The following RAD54L variants were observed in gnomAD, a reference collection of about 807,000 sequenced individuals.
RAD54L encodes RAD54 like.
In RAD54L, 74 loss-of-function variants were observed where a neutral mutation model predicts 91.6. The ratio of observed to expected loss-of-function variants is 0.81; its 90% CI spans 0.67 to 0.98. The LOEUF (loss-of-function observed/expected upper bound fraction) is 0.98. RAD54L is among the 50% of genes least tolerant of loss of function. The pLI, the probability that RAD54L is intolerant of heterozygous loss-of-function variation, is 0.00. For synonymous variants in RAD54L, 304 were observed against 349.7 expected, an observed-to-expected ratio of 0.87 and a Z score of 1.46; for missense variants, 887 against 945.7, an observed-to-expected ratio of 0.94 and a Z score of 0.81.
chr1:46,254,603 T>TTC (rs1659890771), intron 3 of RAD54L, among the ~76,000 whole-genome samples: 1 of 150,628 alleles, frequency 6.6e-6, no homozygotes, highest in Admixed American at 6.6e-5. Flanking sequence ...TTTTTTTTTT[T>TTC]CCTGAGACAG....
intron 3 of RAD54L, among the ~76,000 whole-genome samples, chr1:46,256,080 T>G: frequency 6.6e-6 from 1 of 151,450 alleles, no homozygotes; most frequent in Non-Finnish European, 1.5e-5. Context: ...GACTTAAGAG[T>G]AGCTTTTTTT....
chr1:46,256,433 C>T (rs1283394203), intron 3 of RAD54L, among the ~76,000 whole-genome samples: 1 of 152,108 alleles, frequency 6.6e-6, no homozygotes, highest in Non-Finnish European at 1.5e-5. Flanking sequence ...TTCATAGTTA[C>T]AGTCATGCTA....
chr1:46,276,246 T>G (rs1186231375), intron 16 of RAD54L, among the ~76,000 whole-genome samples: 2 of 152,180 alleles, frequency 1.3e-5, no homozygotes, highest in Admixed American at 1.3e-4. Flanking sequence ...GGCACGATCA[T>G]GGACCACTGC....
intron 2 of RAD54L, 73 bp downstream of exon 2, chr1:46,248,671 GGGTTACATA>G: frequency 7.2e-7 from 1 of 1,386,152 alleles, no homozygotes; most frequent in East Asian, 2.3e-5. Flanking sequence ...TTGGTTTCTA[GGGTTACATA>G]GCCAATTCCA....
At chr1:46,267,218 T>G (rs759950920) in intron 8 of RAD54L, among the ~76,000 whole-genome samples, 1 of 152,144 alleles carries the variant, frequency 6.6e-6, no homozygotes, top group Non-Finnish European at 1.5e-5. Context: ...TGTAAGCTAC[T>G]ATGCCCAGCT....
chr1:46,278,023 G>A (rs2148308393), intron 17 of RAD54L, 43 bp downstream of exon 17: 3 of 1,614,126 alleles, frequency 1.9e-6, no homozygotes, highest in African/African-American at 1.3e-5. Context: ...TACCCACACA[G>A]TAGGGAGATG....
At chr1:46,254,671 C>T (rs1456555505) in intron 3 of RAD54L, among the ~76,000 whole-genome samples, 2 of 151,588 alleles carry the variant, frequency 1.3e-5, no homozygotes, top group Non-Finnish European at 2.9e-5. Context: ...TCACTGCAGC[C>T]TCAATCTTAG....
At chr1:46,249,094 G>A (rs542567660) in intron 2 of RAD54L, among the ~76,000 whole-genome samples, 1 of 152,152 alleles carries the variant, frequency 6.6e-6, no homozygotes, top group Non-Finnish European at 1.5e-5. Context: ...TTGGAGGCTT[G>A]TTGGGGCTGG....
chr1:46,257,702 T>A (rs1659981524), intron 3 of RAD54L, among the ~76,000 whole-genome samples: 1 of 152,182 alleles, frequency 6.6e-6, no homozygotes, highest in Non-Finnish European at 1.5e-5. Flanking sequence ...CTCTCTCATG[T>A]CCCTTTCTCA....
chr1:46,273,402 G>T lies in RAD54L; in HGVS notation c.1423G>T (p.Val475Leu). The change falls in exon 13 of 18, where the codon GTG (valine) becomes TTG (leucine). Residue 475 changes from valine (V) to leucine (L), a missense_variant. Val to Leu is a conservative substitution (Grantham distance 32, BLOSUM62 1). Transcript: ENST00000371975. ...DKCVEEEDGF[V>L]GALDLFPPGY... ...GTGTGTGGAAGAGGAGGATGGCTTT[G>T]TGGGTGCCTTGGACCTCTTCCCTCC... The T allele has an allele frequency of 6.2e-7, 1 of 1,614,130 alleles. No individual in the cohort carries two copies.
Position 46,278,121 on chromosome 1 carries a change from G to A in RAD54L, c.2083G>A (p.Asp695Asn). 1.9e-6 allele frequency: 3 copies of A among 1,613,958 alleles called. No individual in the cohort carries two copies. The highest frequency in any genetic ancestry group is 2.5e-6 in the Non-Finnish European group (3 of 1,179,938). The part of the protein sequence containing the change: ...VNSRQIRPPP[D>N]GSDCTSDLAG... The stretch of plus-strand genomic sequence containing the variant: ...CAGCCGTCAGATCCGGCCACCCCCT[G>A]ATGGTTCTGACTGCACTTCAGACCT... Residue 695 changes from aspartate to asparagine, a missense_variant, in exon 18 of 18, where the codon GAT becomes AAT. Physicochemically the swap from Asp to Asn is conservative, Grantham distance 23 (BLOSUM62 1). Coordinates refer to ENST00000371975, the MANE Select transcript of RAD54L (RefSeq NM_003579.4).
chr1:46,252,597 G>A (rs1659831390), intron 3 of RAD54L, among the ~76,000 whole-genome samples: 1 of 152,146 alleles, frequency 6.6e-6, no homozygotes, highest in African/African-American at 2.4e-5. Context: ...CTTTGGCAAG[G>A]TAGATGGATG....
At chr1:46,277,033 G>C (rs956139325) in intron 16 of RAD54L, among the ~76,000 whole-genome samples, 13 of 152,262 alleles carry the variant, frequency 8.5e-5, no homozygotes, top group Non-Finnish European at 1.3e-4. Context: ...CTGACTTTGT[G>C]ATCTGCCTGC....
Position 46,274,722 on chromosome 1 carries a change from G to A in RAD54L, c.1869+5G>A, listed in dbSNP as rs562723699. The A allele has an allele frequency of 6.8e-6, 11 of 1,614,098 alleles. No individual in the cohort carries two copies. In the African/African-American group the frequency reaches 1.2e-4, roughly 18 times the overall value. ...TATATCTACCGCCTGCTGTCTGTAA[G>A]GATGGTGATAGTAGTCATAGTAGGG... On this transcript the variant is annotated splice_donor_5th_base_variant and intron_variant, in intron 16 of 17. Coordinates refer to ENST00000371975, the MANE Select transcript of RAD54L (RefSeq NM_003579.4).
intron 3 of RAD54L, among the ~76,000 whole-genome samples, chr1:46,256,659 GA>G (rs1461856959): frequency 2.0e-5 from 3 of 151,130 alleles, no homozygotes; most frequent in Non-Finnish European, 4.4e-5. Context: ...GTCAATAAAA[GA>G]TTTTATTCAG....
rs142058773 is a variant in RAD54L at position 46,278,167 on chromosome 1, C to T, written c.2129C>T (p.Thr710Ile). ...GACCTGGCAGGGTGGAACCACTGCA[C>T]TGATAAGTGGGGGCTCCGGGATGAG... ...TSDLAGWNHCTDKWGLRDEVL... is the reference protein window; with the variant it reads ...TSDLAGWNHCIDKWGLRDEVL... The change falls in exon 18 of 18, where the codon ACT (threonine) becomes ATT (isoleucine). Residue 710 changes from threonine (T) to isoleucine (I), a missense_variant. Transcript: ENST00000371975. 3 of 1,613,864 alleles carry T rather than the reference C, an allele frequency of 1.9e-6. No homozygotes were observed. Among genetic ancestry groups the T allele is most frequent in the Non-Finnish European group, 1.7e-6 (2 of 1,179,884 alleles).
intron 8 of RAD54L, among the ~76,000 whole-genome samples, chr1:46,266,997 G>A (rs912701652): frequency 2.6e-5 from 4 of 152,174 alleles, no homozygotes; most frequent in African/African-American, 9.7e-5. Context: ...CCCCTGCCTA[G>A]TTCCCAAGGC....
In RAD54L at chr1:46,272,664, T is replaced by G. The variant is rs368429987; in HGVS notation, c.1245-8T>G. 1.6e-4 allele frequency: 251 copies of G among 1,614,056 alleles called. 3 individuals are homozygous for G. In the South Asian group the frequency reaches 2.5e-3, roughly 16 times the overall value. On this transcript the variant is annotated splice_region_variant and splice_polypyrimidine_tract_variant and intron_variant, in intron 11 of 17. Coordinates refer to ENST00000371975, the MANE Select transcript of RAD54L (RefSeq NM_003579.4). ...AGCTTTTTCCACTGACCCAGCTGCC[T>G]TTTTTAGGCTGACACCCCTTCAGAC...
At chr1:46,274,316 T>A (rs900287445) in intron 15 of RAD54L, 100 bp downstream of exon 15, 22 of 1,281,482 alleles carry the variant, frequency 1.7e-5, no homozygotes, top group South Asian at 5.0e-5. Context: ...TTTTTTTTTT[T>A]AATTCCCCTA....
Sources: gnomAD v4.1 joint callset for allele counts (sites outside exome capture counted in the v4.1 genomes callset) on GRCh38, gnomAD v4.1.1 for gene constraint, MANE v1.5 for transcripts, NCBI Gene and HGNC (gene_info 2026-07-23, HGNC 2026-07-21) for gene names.